RAPGEF6: variants seen among roughly 807,000 people sequenced by gnomAD.
RAPGEF6 encodes Rap guanine nucleotide exchange factor 6.
Under a neutral mutation model 171.4 loss-of-function variants are expected in RAPGEF6, and 56 were observed. The observed-to-expected ratio is 0.33, with a 90% confidence interval of 0.26 to 0.41. The LOEUF (loss-of-function observed/expected upper bound fraction) is 0.41. Among genes scored for constraint, RAPGEF6 ranks in the 10% least tolerant of loss-of-function variants. RAPGEF6 has a pLI of 1.00. For missense variants in RAPGEF6, 1,674 were observed against 1,921.4 expected, an observed-to-expected ratio of 0.87 and a Z score of 2.41; for synonymous variants, 692 against 650.1, an observed-to-expected ratio of 1.06 and a Z score of -0.98.
At chr5:131,590,899 C>T (rs1272641374) in intron 4 of RAPGEF6, among the ~76,000 whole-genome samples, 1 of 152,028 alleles carries the variant, frequency 6.6e-6, no homozygotes, top group African/African-American at 2.4e-5. Context: ...AATATCAATC[C>T]AGCATATTCA....
chr5:131,518,172 A>G (rs1447205827), intron 7 of RAPGEF6, among the ~76,000 whole-genome samples: 1 of 151,920 alleles, frequency 6.6e-6, no homozygotes, highest in Non-Finnish European at 1.5e-5. Flanking sequence ...TTATTTAACG[A>G]AATATAAATA....
chr5:131,631,933 G>A (rs557341765), intron 1 of RAPGEF6, among the ~76,000 whole-genome samples: 1 of 151,872 alleles, frequency 6.6e-6, no homozygotes, highest in East Asian at 1.9e-4. Flanking sequence ...AAAATTAGCC[G>A]GGCGTGTTGG....
chr5:131,471,261 T>C (rs528321464), intron 17 of RAPGEF6, among the ~76,000 whole-genome samples: 2 of 152,324 alleles, frequency 1.3e-5, no homozygotes, highest in Non-Finnish European at 2.9e-5. Flanking sequence ...GAGAGTGTGA[T>C]GTGCCAGAAC....
chr5:131,626,460 G>C (rs531647626), intron 1 of RAPGEF6, among the ~76,000 whole-genome samples: 1 of 151,758 alleles, frequency 6.6e-6, no homozygotes, highest in African/African-American at 2.4e-5. Context: ...AGTATACATG[G>C]CTTGCCATCA....
chr5:131,518,943 T>C (rs1758285763), intron 7 of RAPGEF6, among the ~76,000 whole-genome samples: 1 of 152,224 alleles, frequency 6.6e-6, no homozygotes, highest in Admixed American at 6.5e-5. Flanking sequence ...AACTATATGA[T>C]TCCATTTATA....
rs1751330818 is a variant in RAPGEF6, at chr5:131,424,935, T to TG, written c.*2330dup. The TG allele has an allele frequency of 6.6e-6, 1 of 152,324 alleles. No individual in the cohort carries two copies. The highest frequency in any genetic ancestry group is 2.4e-5 in the African/African-American group (1 of 41,456). The allele number at this position is 152,324 out of a possible 1,614,324, so 9.4% of individuals were successfully genotyped here. ...AATGGAGATCTGGAATTGGAGTAAATGCAGCTTAAGACTTCTCTTGTTCTA... is the reference window on the plus strand; with the variant it reads ...AATGGAGATCTGGAATTGGAGTAAATGGCAGCTTAAGACTTCTCTTGTTCTA... On this transcript the variant is annotated 3_prime_UTR_variant, in exon 28 of 28. Coordinates refer to ENST00000509018, the MANE Select transcript of RAPGEF6 (RefSeq NM_016340.6).
At chr5:131,436,027 G>C in intron 24 of RAPGEF6, 1 of 1,536,856 alleles carries the variant, frequency 6.5e-7, no homozygotes, top group Non-Finnish European at 8.7e-7. Flanking sequence ...TTGGCTATTT[G>C]AATTGAAGAT....
chr5:131,509,940 C>T (rs947948382), intron 8 of RAPGEF6, among the ~76,000 whole-genome samples: 1 of 152,190 alleles, frequency 6.6e-6, no homozygotes, highest in African/African-American at 2.4e-5. Context: ...GGATTACTTA[C>T]TTAGGGGGAA....
At chr5:131,493,231 A>AT (rs1193809939) in intron 13 of RAPGEF6, among the ~76,000 whole-genome samples, 1 of 151,820 alleles carries the variant, frequency 6.6e-6, no homozygotes, top group Non-Finnish European at 1.5e-5. Flanking sequence ...TGCCCGGCTA[A>AT]TTTTTTGTAT....
chr5:131,487,318 G>A lies in RAPGEF6; in HGVS notation c.1840+2228C>T, dbSNP rs151102513. Among the ~76,000 whole-genome samples the A allele has an allele frequency of 1.5e-3, 235 of 152,354 alleles. 1 individual carries two copies. The highest frequency in any genetic ancestry group is 5.2e-3 in the African/African-American group (216 of 41,588). On this transcript the variant is annotated intron_variant, in intron 15 of 27. Transcript: ENST00000509018. ...AATGAAAGAACAAAGCTTCCAGAGG[G>A]TGGAAGGGGACCCTGGCAGCTTGCC...
At chr5:131,521,889 A>T (rs571832857) in intron 6 of RAPGEF6, among the ~76,000 whole-genome samples, 11,559 of 130,702 alleles carry the variant, frequency 0.088, 972 homozygotes, top group African/African-American at 0.24. Flanking sequence ...ACACACACAC[A>T]CACTCTCTCT....
At chr5:131,614,330 G>A (rs547538667) in intron 1 of RAPGEF6, among the ~76,000 whole-genome samples, 6 of 148,538 alleles carry the variant, frequency 4.0e-5, no homozygotes, top group South Asian at 2.1e-4. Context: ...AAAGACTACC[G>A]GAGCCGCGGT....
At chr5:131,432,892 A>G (rs1271218339) in intron 25 of RAPGEF6, among the ~76,000 whole-genome samples, 1 of 152,158 alleles carries the variant, frequency 6.6e-6, no homozygotes, top group Non-Finnish European at 1.5e-5. Flanking sequence ...ATTTCACAAT[A>G]TTTATCAGTT....
At chr5:131,507,868 C>T (rs551791595) in intron 9 of RAPGEF6, among the ~76,000 whole-genome samples, 8 of 152,026 alleles carry the variant, frequency 5.3e-5, no homozygotes, top group African/African-American at 9.6e-5. Context: ...GAGTCTACTG[C>T]GAATAAATTT....
chr5:131,551,844 A>G (rs73262163), intron 5 of RAPGEF6, among the ~76,000 whole-genome samples: 1 of 152,188 alleles, frequency 6.6e-6, no homozygotes, highest in African/African-American at 2.4e-5. Flanking sequence ...GAATATAAAG[A>G]GTTAAATGCC....
chr5:131,443,332 C>A (rs1752500977), intron 22 of RAPGEF6, among the ~76,000 whole-genome samples: 1 of 152,158 alleles, frequency 6.6e-6, no homozygotes, highest in African/African-American at 2.4e-5. Context: ...CATGCCCCAG[C>A]TACCCAAAGT....
intron 22 of RAPGEF6, among the ~76,000 whole-genome samples, chr5:131,443,148 GGTCA>G (rs1752489099): frequency 6.6e-6 from 1 of 152,084 alleles, no homozygotes. Flanking sequence ...TCTCCATGTT[GGTCA>G]GTCTGGTCTC....
intron 2 of RAPGEF6, 132 bp downstream of exon 2, chr5:131,604,491 G>A: frequency 1.0e-6 from 1 of 954,006 alleles, no homozygotes. Flanking sequence ...CAGGAAACCA[G>A]GGATCTAATC....
At chr5:131,608,360 G>A (rs1764731362) in intron 1 of RAPGEF6, among the ~76,000 whole-genome samples, 1 of 152,030 alleles carries the variant, frequency 6.6e-6, no homozygotes, top group Admixed American at 6.6e-5. Context: ...GATGCCAGCC[G>A]CCAAAAAAGA....
Sources: allele counts gnomAD v4.1 joint callset (sites outside exome capture counted in the v4.1 genomes callset), GRCh38; gene constraint gnomAD v4.1.1; transcripts MANE v1.5; gene names NCBI Gene and HGNC (gene_info 2026-07-23, HGNC 2026-07-21).